The following CAP2 variants were observed in gnomAD, a reference collection of about 807,000 sequenced individuals.
CAP2 encodes cyclase associated actin cytoskeleton regulatory protein 2.
In CAP2, 24 loss-of-function variants were observed where a neutral mutation model predicts 57.7. The observed-to-expected ratio is 0.42, with a 90% CI of 0.30 to 0.58. The LOEUF is 0.58. CAP2 is among the 20% of genes least tolerant of loss of function. The pLI is 0.22. For missense variants in CAP2, 501 were observed against 590.3 expected (o/e 0.85, Z 1.57); for synonymous variants, 194 against 207.2 (o/e 0.94, Z 0.55).
Position 17,439,053 on chromosome 6 carries a change from A to T in CAP2, c.222+12363A>T, listed in dbSNP as rs567383276. 2.2e-4 allele frequency among the ~76,000 whole-genome samples: 33 copies of T among 151,090 alleles called. 1 individual carries two copies. The highest frequency in any genetic ancestry group is 7.6e-4 in the African/African-American group (31 of 40,668). ...TTGAACCCAGGAGCCGGAGGTTGCA[A>T]TGAATCAAGATTGTGCCATTGCACT... is the stretch of plus-strand genomic sequence containing the variant. On this transcript the variant is annotated intron_variant, in intron 3 of 12. Coordinates refer to ENST00000229922, the MANE Select transcript of CAP2 (RefSeq NM_006366.3).
intron 7 of CAP2, among the ~76,000 whole-genome samples, chr6:17,532,124 G>A (rs1159774186): frequency 6.9e-6 from 1 of 145,584 alleles, no homozygotes; most frequent in African/African-American, 2.5e-5. Flanking sequence ...CTATTGTTGG[G>A]TTTGAAAATC....
intron 3 of CAP2, among the ~76,000 whole-genome samples, chr6:17,446,285 A>T (rs1467796411): frequency 1.3e-5 from 2 of 152,238 alleles, no homozygotes; most frequent in Non-Finnish European, 2.9e-5. Context: ...ATGTGAGTTT[A>T]ATTAGAGAAA....
At chr6:17,499,475 C>T (rs1167016376) in intron 4 of CAP2, among the ~76,000 whole-genome samples, 2 of 151,178 alleles carry the variant, frequency 1.3e-5, no homozygotes, top group East Asian at 2.0e-4. Flanking sequence ...ACCACGACAA[C>T]GTAACTATCC....
At chr6:17,420,843 T>G (rs1045701919) in intron 1 of CAP2, among the ~76,000 whole-genome samples, 5 of 152,018 alleles carry the variant, frequency 3.3e-5, no homozygotes, top group Non-Finnish European at 7.4e-5. Context: ...TAATGCCAAT[T>G]TTTTTTTGTT....
At chr6:17,499,338 G>A (rs1407267643) in intron 4 of CAP2, among the ~76,000 whole-genome samples, 1 of 142,844 alleles carries the variant, frequency 7.0e-6, no homozygotes, top group Admixed American at 7.3e-5. Context: ...GGTGGACGTT[G>A]CAGTGAGCTG....
At chr6:17,396,364 C>A (rs1266444174) in intron 1 of CAP2, among the ~76,000 whole-genome samples, 1 of 152,128 alleles carries the variant, frequency 6.6e-6, no homozygotes, top group Non-Finnish European at 1.5e-5. Context: ...GACAGCAACA[C>A]CATTTATAAT....
intron 3 of CAP2, among the ~76,000 whole-genome samples, chr6:17,445,189 C>T (rs957541050): frequency 4.6e-5 from 7 of 152,194 alleles, no homozygotes; most frequent in Non-Finnish European, 1.5e-5. Flanking sequence ...TCACTGCAAC[C>T]TCCACCTCCC....
At chr6:17,514,406 G>T (rs9367952) in intron 7 of CAP2, among the ~76,000 whole-genome samples, 53,747 of 151,670 alleles carry the variant, frequency 0.35, 11,032 homozygotes, top group Non-Finnish European at 0.46. Context: ...GTCATTTGTT[G>T]TAGGAGAAAT....
intron 4 of CAP2, among the ~76,000 whole-genome samples, chr6:17,469,436 G>C (rs1760958425): frequency 6.6e-6 from 1 of 151,596 alleles, no homozygotes; most frequent in Admixed American, 6.6e-5. Flanking sequence ...GTGTGTGTCT[G>C]TGTGTGTGTG....
intron 4 of CAP2, among the ~76,000 whole-genome samples, chr6:17,476,460 C>A (rs1192163647): frequency 6.6e-6 from 1 of 152,152 alleles, no homozygotes; most frequent in African/African-American, 2.4e-5. Context: ...TTGTCTTTTC[C>A]TCTCTTGACA....
At chr6:17,447,053 C>G (rs947810751) in intron 3 of CAP2, among the ~76,000 whole-genome samples, 1 of 152,046 alleles carries the variant, frequency 6.6e-6, no homozygotes, top group Non-Finnish European at 1.5e-5. Flanking sequence ...GGCAGAGTCT[C>G]CCTCTGTCAC....
intron 1 of CAP2, 51 bp from the exon 2 acceptor site, chr6:17,421,504 T>A (rs1257426972): frequency 1.2e-6 from 2 of 1,607,736 alleles, no homozygotes; most frequent in East Asian, 2.2e-5. Context: ...GTTGGTTTAC[T>A]CATCCTCCCT....
chr6:17,556,384 T>C lies in CAP2; in HGVS notation c.1376T>C (p.Phe459Ser), dbSNP rs991048746. 6.2e-7 allele frequency: 1 copy of C among 1,613,648 alleles called. No homozygotes were observed. Among genetic ancestry groups the C allele is most frequent in the Non-Finnish European group, 8.5e-7 (1 of 1,179,654 alleles). ...AGAGAATTTCCCATTCCTGAACAGT[T>C]CAAGACAGCATGGGATGGATCCAAG... ...DYREFPIPEQ[F>S]KTAWDGSKLI... Residue 459 changes from phenylalanine to serine, a missense_variant, in exon 13 of 13, where the codon TTC (phenylalanine) becomes TCC (serine). By Grantham distance (155) the Phe-to-Ser change is radical. Transcript: ENST00000229922.
chr6:17,502,794 A>T (rs932386784), intron 4 of CAP2, among the ~76,000 whole-genome samples: 1 of 152,198 alleles, frequency 6.6e-6, no homozygotes, highest in Non-Finnish European at 1.5e-5. Context: ...CCTTTCTCAA[A>T]AATGTCATTA....
chr6:17,484,176 A>G (rs1321385108), intron 4 of CAP2, among the ~76,000 whole-genome samples: 1 of 152,126 alleles, frequency 6.6e-6, no homozygotes, highest in Non-Finnish European at 1.5e-5. Flanking sequence ...ACCGAAATCA[A>G]AGATGATGGG....
At chr6:17,458,638 G>A (rs1187809539) in intron 3 of CAP2, among the ~76,000 whole-genome samples, 1 of 152,112 alleles carries the variant, frequency 6.6e-6, no homozygotes, top group African/African-American at 2.4e-5. Context: ...TTGACACGGG[G>A]ATGAAATTAA....
At chr6:17,423,128 G>A (rs1173594182) in intron 2 of CAP2, among the ~76,000 whole-genome samples, 5 of 152,192 alleles carry the variant, frequency 3.3e-5, no homozygotes, top group Admixed American at 6.5e-5. Context: ...CCGTGGGGAA[G>A]AAGGGACTTC....
intron 1 of CAP2, among the ~76,000 whole-genome samples, chr6:17,408,155 G>C (rs1429656029): frequency 6.6e-6 from 1 of 152,124 alleles, no homozygotes; most frequent in Non-Finnish European, 1.5e-5. Context: ...AAAGATTAGA[G>C]GTTTGTTTGG....
At chr6:17,534,346 A>G (rs1050155942) in intron 7 of CAP2, among the ~76,000 whole-genome samples, 1 of 152,168 alleles carries the variant, frequency 6.6e-6, no homozygotes, top group Non-Finnish European at 1.5e-5. Flanking sequence ...CCAACCATAT[A>G]GCTTGTGTTC....
Sources: gnomAD v4.1 joint callset for allele counts (sites outside exome capture counted in the v4.1 genomes callset) on GRCh38, gnomAD v4.1.1 for gene constraint, MANE v1.5 for transcripts, NCBI Gene and HGNC (gene_info 2026-07-23, HGNC 2026-07-21) for gene names.